ZMIZ1: variants seen among roughly 807,000 people sequenced by gnomAD.
ZMIZ1 encodes zinc finger MIZ domain-containing protein 1.
In ZMIZ1, 17 loss-of-function variants were observed where a neutral mutation model predicts 113.9. The ratio of observed to expected loss-of-function variants is 0.15; its 90% CI spans 0.10 to 0.22. The LOEUF is 0.22. ZMIZ1 is among the 10% of genes least tolerant of loss of function. The pLI is 1.00. For missense variants in ZMIZ1, 1,059 were observed against 1,477.8 expected (o/e 0.72, Z 4.65); for synonymous variants, 607 against 603.1 (o/e 1.01, Z -0.09).
At chr10:79,141,137 C>T (rs913881546) in intron 3 of ZMIZ1, among the ~76,000 whole-genome samples, 44 of 152,072 alleles carry the variant, frequency 2.9e-4, no homozygotes, top group African/African-American at 8.7e-4. Flanking sequence ...ACACAGGGGA[C>T]GAGGGAGAGG....
chr10:79,158,101 C>CA (rs1845974425), intron 3 of ZMIZ1, among the ~76,000 whole-genome samples: 1 of 152,180 alleles, frequency 6.6e-6, no homozygotes, highest in Non-Finnish European at 1.5e-5. Context: ...TAACCTTGAG[C>CA]AATTACCCTG....
chr10:79,307,773 G>A (rs952464558), intron 23 of ZMIZ1, among the ~76,000 whole-genome samples: 4 of 151,914 alleles, frequency 2.6e-5, no homozygotes, highest in Admixed American at 1.3e-4. Context: ...CTAGGATTTC[G>A]GATTCTCTGG....
intron 7 of ZMIZ1, among the ~76,000 whole-genome samples, chr10:79,241,902 A>C (rs564884360): frequency 6.6e-6 from 1 of 152,104 alleles, no homozygotes; most frequent in Non-Finnish European, 1.5e-5. Flanking sequence ...CGGCAGTCCA[A>C]TACAGAGGAG....
chr10:79,311,270 G>C (rs570096736), intron 24 of ZMIZ1, 86 bp downstream of exon 24: 3 of 1,475,612 alleles, frequency 2.0e-6, no homozygotes, highest in Admixed American at 4.3e-5. Context: ...GTGAGGGCTC[G>C]AGGCCCCGAA....
intron 3 of ZMIZ1, among the ~76,000 whole-genome samples, chr10:79,140,920 CTACAGGCATGCACCG>C (rs543778367): frequency 2.0e-5 from 3 of 152,078 alleles, no homozygotes; most frequent in Non-Finnish European, 2.9e-5. Flanking sequence ...GTAGCTGGGA[CTACAGGCATGCACCG>C]CCACGCCCAG....
intron 7 of ZMIZ1, among the ~76,000 whole-genome samples, chr10:79,275,577 A>G (rs1244850604): frequency 6.6e-6 from 1 of 152,194 alleles, no homozygotes; most frequent in Non-Finnish European, 1.5e-5. Context: ...CACTGTGCCT[A>G]TGGGTGTCTT....
chr10:79,308,618 T>C (rs1426579381), intron 23 of ZMIZ1, among the ~76,000 whole-genome samples: 1 of 152,156 alleles, frequency 6.6e-6, no homozygotes, highest in East Asian at 1.9e-4. Flanking sequence ...TAGCAGCAAC[T>C]TTCCCTCAGG....
intron 4 of ZMIZ1, among the ~76,000 whole-genome samples, chr10:79,175,612 G>A (rs867617384): frequency 4.8e-5 from 6 of 125,260 alleles, no homozygotes; most frequent in African/African-American, 2.3e-4. Context: ...GTGTGTGTGT[G>A]TGTGTGTGTG....
chr10:79,289,709 G>A, intron 8 of ZMIZ1, 66 bp from the exon 9 acceptor site: 1 of 1,450,976 alleles, frequency 6.9e-7, no homozygotes, highest in East Asian at 2.3e-5. Flanking sequence ...GTGGGGTGAT[G>A]GGCATGGCCT....
intron 4 of ZMIZ1, among the ~76,000 whole-genome samples, chr10:79,191,094 G>A (rs897415074): frequency 6.6e-6 from 1 of 152,166 alleles, no homozygotes; most frequent in Non-Finnish European, 1.5e-5. Flanking sequence ...GGGAGGTGGA[G>A]GGTTGTATGG....
intron 7 of ZMIZ1, among the ~76,000 whole-genome samples, chr10:79,231,062 A>C (rs545737343): frequency 6.6e-6 from 1 of 152,166 alleles, no homozygotes; most frequent in Non-Finnish European, 1.5e-5. Flanking sequence ...TCAGAGTCAC[A>C]TGTCCACACA....
At chr10:79,276,444 G>A (rs1044243414) in intron 7 of ZMIZ1, among the ~76,000 whole-genome samples, 1 of 152,164 alleles carries the variant, frequency 6.6e-6, no homozygotes, top group Admixed American at 6.5e-5. Flanking sequence ...CTCTTATCCC[G>A]GATGTGGATG....
At chr10:79,292,026 C>T (rs1424693820) in intron 10 of ZMIZ1, 132 bp from the exon 11 acceptor site, 1 of 916,328 alleles carries the variant, frequency 1.1e-6, no homozygotes, top group East Asian at 2.4e-5. Flanking sequence ...TGAATGGCTG[C>T]CAATCCCAAG....
At chr10:79,222,915 C>A (rs78231106) in intron 7 of ZMIZ1, among the ~76,000 whole-genome samples, 4,140 of 152,308 alleles carry the variant, frequency 0.027, 134 homozygotes, top group African/African-American at 0.077. Flanking sequence ...GCTCAGGACA[C>A]CTTAAGCCAG....
intron 8 of ZMIZ1, among the ~76,000 whole-genome samples, chr10:79,279,063 G>A (rs1291452256): frequency 1.4e-5 from 2 of 139,208 alleles, no homozygotes; most frequent in African/African-American, 5.1e-5. Context: ...CCGGGCGGGG[G>A]CTGCCCCCCA....
intron 17 of ZMIZ1, 87 bp downstream of exon 17, chr10:79,301,029 T>G: frequency 3.9e-6 from 6 of 1,536,408 alleles, no homozygotes; most frequent in Non-Finnish European, 5.3e-6. Context: ...CCCACTCTGG[T>G]CCTCAGCCTT....
At chr10:79,172,094 G>A (rs916700342) in intron 4 of ZMIZ1, among the ~76,000 whole-genome samples, 2 of 152,096 alleles carry the variant, frequency 1.3e-5, no homozygotes, top group African/African-American at 4.8e-5. Context: ...GATAGGGTGC[G>A]AGGCCTCTGG....
At chr10:79,149,788 A>G (rs1415218529) in intron 3 of ZMIZ1, among the ~76,000 whole-genome samples, 1 of 152,226 alleles carries the variant, frequency 6.6e-6, no homozygotes, top group African/African-American at 2.4e-5. Flanking sequence ...TCTCTTGGGC[A>G]TGACTTCTCC....
chr10:79,288,630 G>A (rs890319692), intron 8 of ZMIZ1, among the ~76,000 whole-genome samples: 9 of 152,192 alleles, frequency 5.9e-5, no homozygotes, highest in African/African-American at 2.2e-4. Flanking sequence ...CTAGAATTTT[G>A]TGACTTGGTG....
Sources: gnomAD v4.1 joint callset for allele counts (sites outside exome capture counted in the v4.1 genomes callset) on GRCh38, gnomAD v4.1.1 for gene constraint, MANE v1.5 for transcripts, NCBI Gene and HGNC (gene_info 2026-07-23, HGNC 2026-07-21) for gene names.